Variants in DDB1 observed in about 807,000 individuals in gnomAD.
DDB1 encodes DNA damage-binding protein 1.
A neutral mutation model predicts 133.1 loss-of-function variants in DDB1; 18 were observed. The observed-to-expected ratio is 0.14, with a 90% CI of 0.09 to 0.20. The LOEUF (loss-of-function observed/expected upper bound fraction) is 0.20. Among genes scored for constraint, DDB1 ranks in the 10% least tolerant of loss-of-function variants. The pLI is 1.00. For synonymous variants in DDB1, 580 were observed against 550.5 expected (o/e 1.05, Z -0.75); for missense variants, 828 against 1,459.2 (o/e 0.57, Z 7.05).
In DDB1 at chr11:61,316,919, CAAA is replaced by C. The variant is rs58795761; in HGVS notation, c.1226-355_1226-353del. On this transcript the variant is annotated intron_variant, in intron 10 of 26. Coordinates refer to ENST00000301764, the MANE Select transcript of DDB1 (RefSeq NM_001923.5). Reference sequence around the variant, plus strand: ...TGGGTGACACAGCAAGATCCTGTCTCAAAAAAAAAAAAAAAAAAAAAGGATAGA... The same window carrying C: ...TGGGTGACACAGCAAGATCCTGTCTCAAAAAAAAAAAAAAAAAAGGATAGA... Among the ~76,000 whole-genome samples, 56 of 21,710 alleles carry C rather than the reference CAAA, an allele frequency of 2.6e-3. 2 individuals are homozygous for C. The highest frequency in any genetic ancestry group is 7.6e-3 in the African/African-American group (55 of 7,204). 14.2% of individuals were successfully genotyped at this position (21,710 alleles called of 152,430 possible). A position where few individuals can be genotyped will look rare whatever the true frequency, so the allele number is the denominator to read the frequency against.
intron 6 of DDB1, chr11:61,324,373 T>C: frequency 2.2e-6 from 1 of 454,250 alleles, no homozygotes; most frequent in Non-Finnish European, 4.0e-6. Flanking sequence ...ATATGTTTAC[T>C]GATATGTCGT....
intron 7 of DDB1, chr11:61,323,765 C>T (rs1856223799): frequency 1.8e-6 from 1 of 543,884 alleles, no homozygotes; most frequent in Non-Finnish European, 3.3e-6. Context: ...CTTTCTTTTC[C>T]TTTTCTCACA....
Position 61,299,776 on chromosome 11 carries a change from TACACATACACACAC to T in DDB1, c.*346_*359del, listed in dbSNP as rs572476486. The stretch of plus-strand genomic sequence containing the variant: ...AAGAGGACAATGCATGAGTGTGAGA[TACACATACACACAC>T]ACACATACACACACACACACGCACA... On this transcript the variant is annotated 3_prime_UTR_variant, in exon 27 of 27. Coordinates refer to ENST00000301764, the MANE Select transcript of DDB1 (RefSeq NM_001923.5). 228 of 327,134 alleles carry T rather than the reference TACACATACACACAC, an allele frequency of 7.0e-4. No individual in the cohort carries two copies. Among genetic ancestry groups the T allele is most frequent in the Non-Finnish European group, 8.9e-4 (152 of 170,184 alleles). The allele number at this position is 327,134 out of a possible 1,614,324, so 20.3% of individuals were successfully genotyped here. A position where few individuals can be genotyped will look rare whatever the true frequency, so the allele number is the denominator to read the frequency against.
chr11:61,324,705 A>G lies in DDB1; in HGVS notation c.763-568T>C, dbSNP rs181583205. ...CAGCTAGATTTTGTTCTTTTTTCTCAAAAAGAAAGTAAAATGAAACTTTTA... is the reference window on the plus strand; with the variant it reads ...CAGCTAGATTTTGTTCTTTTTTCTCGAAAAGAAAGTAAAATGAAACTTTTA... On this transcript the variant is annotated intron_variant, in intron 6 of 26. Transcript: ENST00000301764. Among the ~76,000 whole-genome samples, 228 of 152,302 alleles carry G rather than the reference A, an allele frequency of 1.5e-3. 1 individual carries two copies. The highest frequency in any genetic ancestry group is 1.1e-3 in the Non-Finnish European group (77 of 68,014).
chr11:61,304,318 C>T (rs1048239171), intron 21 of DDB1, among the ~76,000 whole-genome samples: 6 of 152,006 alleles, frequency 3.9e-5, no homozygotes, highest in Non-Finnish European at 8.8e-5. Flanking sequence ...TGTGGGTAGT[C>T]GGGCTTGGTG....
chr11:61,329,724 C>T, intron 3 of DDB1, 140 bp from the exon 4 acceptor site: 1 of 813,130 alleles, frequency 1.2e-6, no homozygotes, highest in African/African-American at 1.7e-5. Flanking sequence ...TAGTTGGAGC[C>T]CCAATGTCAG....
chr11:61,302,399 A>G, intron 24 of DDB1, 40 bp from the exon 25 acceptor site: 4 of 1,599,654 alleles, frequency 2.5e-6, no homozygotes, highest in Non-Finnish European at 3.4e-6. Flanking sequence ...AGAGAGCTCA[A>G]CCCCACAGCA....
intron 18 of DDB1, among the ~76,000 whole-genome samples, chr11:61,311,502 G>A (rs1855971438): frequency 6.6e-6 from 1 of 151,790 alleles, no homozygotes; most frequent in Non-Finnish European, 1.5e-5. Flanking sequence ...CAAACCCCAT[G>A]TTCCTCCTCT....
At chr11:61,318,183 A>G (rs780085801) in intron 10 of DDB1, among the ~76,000 whole-genome samples, 1 of 152,262 alleles carries the variant, frequency 6.6e-6, no homozygotes, top group Non-Finnish European at 1.5e-5. Flanking sequence ...TTAATTGTGT[A>G]AATCATTTAT....
At chr11:61,310,521 A>G in intron 18 of DDB1, 103 bp from the exon 19 acceptor site, 1 of 1,354,712 alleles carries the variant, frequency 7.4e-7, no homozygotes, top group East Asian at 2.6e-5. Context: ...GGCTGCAGCT[A>G]GCCAAGAACT....
intron 22 of DDB1, among the ~76,000 whole-genome samples, 164 bp downstream of exon 22, chr11:61,303,701 A>T (rs1330458035): frequency 9.4e-6 from 1 of 106,084 alleles, no homozygotes; most frequent in Non-Finnish European, 1.6e-5. Context: ...ACTGCGTCTC[A>T]AAAAAAAAAA....
Position 61,299,969 on chromosome 11 carries a change from A to G in DDB1, c.*167T>C, listed in dbSNP as rs1855764985. On this transcript the variant is annotated 3_prime_UTR_variant, in exon 27 of 27. Transcript: ENST00000301764. ...ATGTTTCACCTTCAGCTCATTCCCA[A>G]GTCTCTATGAAGCCCGCCCCACTTC... 8 of 635,618 alleles carry G rather than the reference A, an allele frequency of 1.3e-5. No homozygotes were observed. In the South Asian group the frequency reaches 1.5e-4, roughly 12 times the overall value. 39.4% of individuals were successfully genotyped at this position (635,618 alleles called of 1,614,324 possible). A position where few individuals can be genotyped will look rare whatever the true frequency, so the allele number is the denominator to read the frequency against.
At chr11:61,309,672 C>T (rs1365568189) in intron 20 of DDB1, 124 bp downstream of exon 20, 23 of 953,234 alleles carry the variant, frequency 2.4e-5, no homozygotes, top group Non-Finnish European at 3.6e-5. Flanking sequence ...AAGAGAATAG[C>T]TCTTTACAGC....
chr11:61,329,655 T>G (rs535877246), intron 3 of DDB1, 71 bp from the exon 4 acceptor site: 4 of 1,439,436 alleles, frequency 2.8e-6, no homozygotes, highest in African/African-American at 2.8e-5. Flanking sequence ...TGGGCACCAC[T>G]TGTGCAGAAA....
chr11:61,318,970 G>A (rs999715237), intron 10 of DDB1, among the ~76,000 whole-genome samples: 9 of 152,224 alleles, frequency 5.9e-5, no homozygotes, highest in African/African-American at 1.7e-4. Flanking sequence ...AGGCCAAGGC[G>A]GGAGGACCGC....
At chr11:61,303,523 C>G (rs994785061) in intron 22 of DDB1, among the ~76,000 whole-genome samples, 2 of 151,990 alleles carry the variant, frequency 1.3e-5, no homozygotes, top group Admixed American at 6.6e-5. Flanking sequence ...CCCGTCTCTA[C>G]TAAAAATACC....
rs753065753 is a variant in DDB1, at chr11:61,329,428, G to A, written c.484C>T (p.Leu162=). 6.2e-7 allele frequency: 1 copy of A among 1,614,032 alleles called. No homozygotes were observed. The highest frequency in any genetic ancestry group is 1.3e-5 in the African/African-American group (1 of 74,914). The change falls in exon 4 of 27, where the codon CTG becomes TTG. Residue 162 remains leucine, a synonymous_variant. Transcript: ENST00000301764. ...AGGAACTTGACATCAATGACATGCA[G>A]CTCCTCCAGGCGGATGTTGAAGGCC... ...LKAFNIRLEE[L]HVIDVKFLYG...
chr11:61,332,637 C>T (rs573617999), intron 1 of DDB1: 1 of 369,426 alleles, frequency 2.7e-6, no homozygotes, highest in African/African-American at 2.1e-5. Flanking sequence ...AACTCACACT[C>T]CTCTGTCTCA....
At chr11:61,317,464 G>C (rs984080934) in intron 10 of DDB1, among the ~76,000 whole-genome samples, 6 of 151,844 alleles carry the variant, frequency 4.0e-5, no homozygotes, top group Non-Finnish European at 8.8e-5. Flanking sequence ...TTTGGGATTG[G>C]ATATACATTT....
Sources: allele counts gnomAD v4.1 joint callset (sites outside exome capture counted in the v4.1 genomes callset), GRCh38; gene constraint gnomAD v4.1.1; transcripts MANE v1.5; gene names NCBI Gene and HGNC (gene_info 2026-07-23, HGNC 2026-07-21).